The following PRMT7 variants were observed in gnomAD, a reference collection of about 807,000 sequenced individuals.
PRMT7 encodes the protein protein arginine N-methyltransferase 7.
Under a neutral mutation model 85.4 loss-of-function variants are expected in PRMT7, and 75 were observed. That is an observed-to-expected ratio of 0.88 (90% CI 0.73 to 1.06). PRMT7 has a LOEUF of 1.06. Ranked by LOEUF, PRMT7 falls within the 50% of genes least tolerant of loss-of-function variation. The pLI is 0.00. For synonymous variants in PRMT7, 397 were observed against 359.5 expected (o/e 1.10, Z -1.18); for missense variants, 868 against 915.2 (o/e 0.95, Z 0.67).
intron 4 of PRMT7, among the ~76,000 whole-genome samples, chr16:68,322,950 C>G (rs1047976063): frequency 1.3e-5 from 2 of 151,774 alleles, no homozygotes; most frequent in Non-Finnish European, 2.9e-5. Context: ...GGGAGAATGG[C>G]GTGAATCTGG....
At chr16:68,335,722 G>A (rs2151671261) in intron 6 of PRMT7, among the ~76,000 whole-genome samples, 1 of 151,994 alleles carries the variant, frequency 6.6e-6, no homozygotes, top group South Asian at 2.1e-4. Context: ...CCAGGCTCCA[G>A]CCTCGAGCTC....
At chr16:68,329,031 C>A in intron 5 of PRMT7, 35 bp from the exon 6 acceptor site, 1 of 1,450,166 alleles carries the variant, frequency 6.9e-7, no homozygotes, top group Non-Finnish European at 9.7e-7. Context: ...TAATTTATTG[C>A]TCATTTTTCC....
Position 68,311,019 on chromosome 16 carries a change from G to T in PRMT7, c.-299G>T. 1.7e-6 allele frequency: 2 copies of T among 1,147,396 alleles called. No homozygotes were observed. Among genetic ancestry groups the T allele is most frequent in the Non-Finnish European group, 2.5e-6 (2 of 793,014 alleles). The allele number at this position is 1,147,396 out of a possible 1,614,324, so 71.1% of individuals were successfully genotyped here. A position where few individuals can be genotyped will look rare whatever the true frequency, so the allele number is the denominator to read the frequency against. ...GGACCCGCCCCCCAGCACGCTCCTC[G>T]ACGCTGCGAGGTCCCGCCCCGCGTG... On this transcript the variant is annotated 5_prime_UTR_variant, in exon 1 of 19. Transcript: ENST00000441236.
intron 7 of PRMT7, among the ~76,000 whole-genome samples, chr16:68,338,167 G>A (rs1187384708): frequency 1.3e-5 from 2 of 152,126 alleles, no homozygotes; most frequent in Non-Finnish European, 2.9e-5. Flanking sequence ...TTGGGGTATA[G>A]GGCTGGAGGT....
intron 2 of PRMT7, 51 bp downstream of exon 2, chr16:68,312,227 A>ATG (rs778218819): frequency 1.1e-5 from 1 of 88,300 alleles, no homozygotes; most frequent in Admixed American, 1.2e-4. Context: ...ATATATATAT[A>ATG]TATTTTTTTT....
Position 68,345,819 on chromosome 16 carries a change from G to C in PRMT7, c.1055+17G>C, listed in dbSNP as rs201182041. On this transcript the variant is annotated intron_variant, in intron 10 of 18. Coordinates refer to ENST00000441236, the MANE Select transcript of PRMT7 (RefSeq NM_019023.5). ...GAGGACCAGGTACGTCGAGCCTCGT[G>C]GGGGTGGAGGATGAGCCTCTGAGAC... 1.6e-4 allele frequency: 266 copies of C among 1,613,586 alleles called. No individual in the cohort carries two copies. The highest frequency in any genetic ancestry group is 6.6e-4 in the Middle Eastern group (4 of 6,056).
chr16:68,338,403 G>A (rs2085009058), intron 7 of PRMT7, among the ~76,000 whole-genome samples: 1 of 151,822 alleles, frequency 6.6e-6, no homozygotes. Context: ...AGTGGTGAGG[G>A]CGATTCTTCT....
intron 3 of PRMT7, among the ~76,000 whole-genome samples, chr16:68,317,599 G>C (rs1218402006): frequency 6.6e-6 from 1 of 152,106 alleles, no homozygotes; most frequent in South Asian, 2.1e-4. Context: ...AGACCAAGGC[G>C]GGCGGATCAC....
intron 6 of PRMT7, among the ~76,000 whole-genome samples, chr16:68,331,166 C>G (rs2083837110): frequency 6.6e-6 from 1 of 152,124 alleles, no homozygotes; most frequent in Non-Finnish European, 1.5e-5. Flanking sequence ...TTAGATTTGC[C>G]TGTCTAGGAT....
Position 68,348,434 on chromosome 16 carries a change from G to A in PRMT7, c.1413+3G>A. 1 of 1,606,092 alleles carries A rather than the reference G, an allele frequency of 6.2e-7. No homozygotes were observed. Among genetic ancestry groups the A allele is most frequent in the East Asian group, 2.2e-5 (1 of 44,838 alleles). On this transcript the variant is annotated splice_donor_region_variant and intron_variant, in intron 14 of 18. Transcript: ENST00000441236. Reference sequence around the variant, plus strand: ...ATGAGGACCTACAGGGCAGAAAGGTGAGTAGCGGGAGCCTTTTGGCCACGC... The same window carrying A: ...ATGAGGACCTACAGGGCAGAAAGGTAAGTAGCGGGAGCCTTTTGGCCACGC...
Position 68,339,441 on chromosome 16 carries a change from G to A in PRMT7, c.624G>A (p.Gln208=), listed in dbSNP as rs1293115312. 1.2e-6 allele frequency: 2 copies of A among 1,614,216 alleles called. No individual in the cohort carries two copies. Among genetic ancestry groups the A allele is most frequent in the Non-Finnish European group, 1.7e-6 (2 of 1,180,042 alleles). Residue 208 remains glutamine (Q), a synonymous_variant, in exon 8 of 19, where the codon CAG becomes CAA. Transcript: ENST00000441236. ...PIHVQTSLGE[Q]VIVPPVDVES... The stretch of plus-strand genomic sequence containing the variant: ...ACGTGCAGACCAGCCTCGGAGAGCA[G>A]GTCATCGTCCCTCCCGTTGACGTGG...
At chr16:68,355,992 G>T (rs969595838) in intron 17 of PRMT7, 109 bp downstream of exon 17, 7 of 1,207,462 alleles carry the variant, frequency 5.8e-6, no homozygotes, top group African/African-American at 1.6e-5. Context: ...CGTGGAGGGG[G>T]TATTCGTCCT....
rs543076180 is a variant in PRMT7 at position 68,357,084 on chromosome 16, C to T, written c.1939C>T (p.Gln647Ter). Residue 647 changes from glutamine (Q) to a stop codon, truncating the protein, a stop_gained, in exon 19 of 19, where the codon CAG becomes TAG. Transcript: ENST00000441236. LOFTEE classifies it low-confidence loss of function (END_TRUNC). ...CTGCTGCTGGAACCCCCACTGCAAG[C>T]AGGCCGTCTACTTCTTCAGCCCTGC... The part of the protein sequence containing the change: ...GGCCWNPHCK[Q>*]AVYFFSPAPD... 1 of 1,611,958 alleles carries T rather than the reference C, an allele frequency of 6.2e-7. No individual in the cohort carries two copies. The highest frequency in any genetic ancestry group is 8.5e-7 in the Non-Finnish European group (1 of 1,179,058).
chr16:68,313,440 C>T (rs2151302672), intron 2 of PRMT7, among the ~76,000 whole-genome samples: 2 of 152,274 alleles, frequency 1.3e-5, no homozygotes, highest in South Asian at 4.1e-4. Flanking sequence ...ATGTTTGACA[C>T]CTGGTCCAGT....
In PRMT7 at chr16:68,345,802, G is replaced by A; in HGVS notation, c.1055G>A (p.Ser352Asn). Residue 352 changes from serine to asparagine, a missense_variant and splice_region_variant, in exon 10 of 19, where the codon AGC (serine) becomes AAC (asparagine). Coordinates refer to ENST00000441236, the MANE Select transcript of PRMT7 (RefSeq NM_019023.5). ...GTATGGTACAGCCTGCAGAGGACCA[G>A]GTACGTCGAGCCTCGTGGGGGTGGA... ...YCVWYSLQRT[S>N]PEKNERVRQM... is the part of the protein sequence containing the mutation. 1.2e-6 allele frequency: 2 copies of A among 1,614,008 alleles called. No homozygotes were observed. Among genetic ancestry groups the A allele is most frequent in the Non-Finnish European group, 1.7e-6 (2 of 1,180,006 alleles).
In PRMT7 at chr16:68,329,454, A is replaced by T. The variant is rs1225459715; in HGVS notation, c.391+280A>T. On this transcript the variant is annotated intron_variant, in intron 6 of 18. Coordinates refer to ENST00000441236, the MANE Select transcript of PRMT7 (RefSeq NM_019023.5). Reference sequence around the variant, plus strand: ...CAAATTGGAATTCTTATGGGGCTCAACTCTTGAGTTTCAACTACCAATAAT... The same window carrying T: ...CAAATTGGAATTCTTATGGGGCTCATCTCTTGAGTTTCAACTACCAATAAT... 2.0e-5 allele frequency: 5 copies of T among 248,564 alleles called. No homozygotes were observed. In the East Asian group the frequency reaches 4.1e-4, roughly 20 times the overall value. 15.4% of individuals were successfully genotyped at this position (248,564 alleles called of 1,614,324 possible). A position where few individuals can be genotyped will look rare whatever the true frequency, so the allele number is the denominator to read the frequency against.
At chr16:68,337,350 T>C (rs2084855691) in intron 6 of PRMT7, 109 bp from the exon 7 acceptor site, 1 of 688,588 alleles carries the variant, frequency 1.5e-6, no homozygotes, top group African/African-American at 1.8e-5. Flanking sequence ...AGCATGTATA[T>C]GTGCTTTTAG....
At chr16:68,340,136 G>C (rs1249076212) in intron 9 of PRMT7, among the ~76,000 whole-genome samples, 168 bp downstream of exon 9, 1 of 152,194 alleles carries the variant, frequency 6.6e-6, no homozygotes, top group Non-Finnish European at 1.5e-5. Flanking sequence ...CTGTAGTAAC[G>C]TAGCCTTCCC....
intron 9 of PRMT7, among the ~76,000 whole-genome samples, chr16:68,345,033 A>T (rs973746648): frequency 2.6e-5 from 4 of 151,620 alleles, no homozygotes; most frequent in Non-Finnish European, 5.9e-5. Context: ...TTACTTTTAA[A>T]TACTTCAACA....
Sources: gnomAD v4.1 joint callset for allele counts (sites outside exome capture counted in the v4.1 genomes callset) on GRCh38, gnomAD v4.1.1 for gene constraint, MANE v1.5 for transcripts, NCBI Gene and HGNC (gene_info 2026-07-23, HGNC 2026-07-21) for gene names.